Variants in CCDC171 observed in about 807,000 individuals in gnomAD.
CCDC171 encodes coiled-coil domain-containing protein 171.
A neutral mutation model predicts 168.2 loss-of-function variants in CCDC171; 177 were observed. That is an observed-to-expected ratio of 1.05 (90% CI 0.93 to 1.19). CCDC171 has a LOEUF of 1.19. Among genes scored for constraint, CCDC171 ranks in the 50% most tolerant of loss-of-function variants. CCDC171 has a pLI of 0.00. For missense variants in CCDC171, 1,991 were observed against 1,539.0 expected (o/e 1.29, Z -4.91); for synonymous variants, 687 against 540.8 (o/e 1.27, Z -3.75).
At chr9:15,554,982 C>G in intron 1 of CCDC171, among the ~76,000 whole-genome samples, 1 of 152,084 alleles carries the variant, frequency 6.6e-6, no homozygotes, top group East Asian at 1.9e-4. Flanking sequence ...ACCCATCCCT[C>G]GTTTTTCCTC....
chr9:15,557,893 T>C (rs2038942379), intron 1 of CCDC171, among the ~76,000 whole-genome samples: 1 of 152,118 alleles, frequency 6.6e-6, no homozygotes, highest in South Asian at 2.1e-4. Flanking sequence ...AGAGCTCTTA[T>C]TATTTTGAGA....
chr9:15,975,385 T>G (rs995631137), downstream of CCDC171, among the ~76,000 whole-genome samples: 1 of 152,212 alleles, frequency 6.6e-6, no homozygotes, highest in Non-Finnish European at 1.5e-5. Context: ...AAAAAAATTT[T>G]TTTTAATTGT....
chr9:15,629,784 T>C (rs1356762547), intron 7 of CCDC171, among the ~76,000 whole-genome samples: 10 of 152,238 alleles, frequency 6.6e-5, no homozygotes, highest in East Asian at 3.9e-4. Context: ...AGAGAAAGGT[T>C]GGGTTACCCA....
intron 24 of CCDC171, among the ~76,000 whole-genome samples, chr9:15,916,105 A>T (rs965033477): frequency 2.0e-5 from 3 of 151,458 alleles, no homozygotes; most frequent in Non-Finnish European, 4.4e-5. Flanking sequence ...ATCAAAGAGA[A>T]ATAAATATTT....
intron 16 of CCDC171, among the ~76,000 whole-genome samples, chr9:15,736,731 ACTG>A (rs1317406186): frequency 6.0e-5 from 9 of 150,762 alleles, no homozygotes; most frequent in African/African-American, 2.2e-4. Context: ...GGTGGAGTGC[ACTG>A]CTGCAGTCTC....
chr9:15,969,449 G>A (rs1831134955), intron 25 of CCDC171, among the ~76,000 whole-genome samples: 1 of 152,118 alleles, frequency 6.6e-6, no homozygotes, highest in Non-Finnish European at 1.5e-5. Flanking sequence ...CACTAATATT[G>A]ACAAAACAGG....
chr9:15,771,044 G>T (rs371916443), intron 18 of CCDC171, among the ~76,000 whole-genome samples: 1 of 152,116 alleles, frequency 6.6e-6, no homozygotes, highest in South Asian at 2.1e-4. Context: ...ATCATTAATT[G>T]TATTTAGTTA....
chr9:15,874,821 C>CAA (rs1817638503), intron 24 of CCDC171, 158 bp downstream of exon 24: 1 of 678,110 alleles, frequency 1.5e-6, no homozygotes, highest in East Asian at 3.5e-5. Context: ...GTATACTTTA[C>CAA]AAAATATTGT....
At chr9:15,642,987 G>C (rs926036156) in intron 7 of CCDC171, among the ~76,000 whole-genome samples, 2 of 151,954 alleles carry the variant, frequency 1.3e-5, no homozygotes, top group Non-Finnish European at 1.5e-5. Context: ...AAGCATATAT[G>C]CTTTTTGGAA....
chr9:15,598,547 C>A (rs1183733146), intron 6 of CCDC171, among the ~76,000 whole-genome samples: 1 of 152,060 alleles, frequency 6.6e-6, no homozygotes, highest in Non-Finnish European at 1.5e-5. Flanking sequence ...TTTACATTTG[C>A]TGAGGAGTGC....
chr9:15,977,796 C>T (rs143141922), downstream of CCDC171, among the ~76,000 whole-genome samples: 40 of 152,276 alleles, frequency 2.6e-4, no homozygotes, highest in African/African-American at 8.7e-4. Context: ...TATTCATAAA[C>T]ATTCACGATG....
At chr9:16,030,768 C>A (rs376048201) in intron 6 of CCDC171, among the ~76,000 whole-genome samples, 2 of 152,134 alleles carry the variant, frequency 1.3e-5, no homozygotes, top group Admixed American at 1.3e-4. Context: ...CGGCTCACCA[C>A]GCTGGCCAGG....
At chr9:15,894,498 C>A (rs1469306478) in intron 24 of CCDC171, among the ~76,000 whole-genome samples, 1 of 151,980 alleles carries the variant, frequency 6.6e-6, no homozygotes, top group Non-Finnish European at 1.5e-5. Flanking sequence ...AAATGGCTTC[C>A]CATCACCCTT....
chr9:15,846,128 A>C (rs980973514), intron 21 of CCDC171, among the ~76,000 whole-genome samples: 1 of 152,066 alleles, frequency 6.6e-6, no homozygotes, highest in Admixed American at 6.6e-5. Flanking sequence ...AGAGTTATTT[A>C]CTGGGAAGCA....
the CCDC171 span, among the ~76,000 whole-genome samples, chr9:16,104,254 C>A: frequency 6.6e-6 from 1 of 152,116 alleles, no homozygotes; most frequent in Non-Finnish European, 1.5e-5. Flanking sequence ...AGATTCTCCT[C>A]TAAGCTCCCC....
At chr9:16,044,491 A>AT (rs35765220) in intron 1 of CCDC171, among the ~76,000 whole-genome samples, 12 of 151,830 alleles carry the variant, frequency 7.9e-5, no homozygotes, top group Non-Finnish European at 1.5e-4. Context: ...AGAAAAAAAA[A>AT]GAATGAAAAA....
chr9:15,558,997 A>C (rs1349778019), intron 1 of CCDC171, among the ~76,000 whole-genome samples: 2 of 152,174 alleles, frequency 1.3e-5, no homozygotes, highest in African/African-American at 2.4e-5. Context: ...TGTACCCAGC[A>C]GTCATTCAGG....
intron 3 of CCDC171, among the ~76,000 whole-genome samples, chr9:15,979,189 G>A (rs1247512363): frequency 6.6e-6 from 1 of 152,110 alleles, no homozygotes; most frequent in Non-Finnish European, 1.5e-5. Context: ...GTTTTGTGGT[G>A]TGAATTTCTT....
chr9:15,847,934 C>T (rs967325576), intron 22 of CCDC171, among the ~76,000 whole-genome samples: 2 of 151,990 alleles, frequency 1.3e-5, no homozygotes, highest in African/African-American at 2.4e-5. Flanking sequence ...TGTAACATTG[C>T]ACCACCATCT....
Sources: allele counts gnomAD v4.1 joint callset (sites outside exome capture counted in the v4.1 genomes callset), GRCh38; gene constraint gnomAD v4.1.1; transcripts MANE v1.5; gene names NCBI Gene and HGNC (gene_info 2026-07-23, HGNC 2026-07-21).